YAP1: variants seen among roughly 807,000 people sequenced by gnomAD.
YAP1 encodes Yes1 associated transcriptional regulator, also known as transcriptional coactivator YAP1.
YAP1 carries 5 observed loss-of-function variants against 56.9 expected under a neutral mutation model. The observed-to-expected ratio is 0.09, with a 90% CI of 0.05 to 0.18. YAP1 has a LOEUF of 0.18. YAP1 is among the 10% of genes least tolerant of loss of function. YAP1 has a pLI of 1.00. For missense variants in YAP1, 539 were observed against 651.8 expected (o/e 0.83, Z 1.88); for synonymous variants, 265 against 248.1 (o/e 1.07, Z -0.64).
At chr11:102,147,460 A>G (rs2135326048) in intron 2 of YAP1, among the ~76,000 whole-genome samples, 1 of 152,310 alleles carries the variant, frequency 6.6e-6, no homozygotes, top group South Asian at 2.1e-4. Context: ...ATTAAATTTA[A>G]TTGCTGAAAT....
intron 2 of YAP1, among the ~76,000 whole-genome samples, chr11:102,121,556 CTT>C (rs1943654589): frequency 6.6e-6 from 1 of 152,126 alleles, no homozygotes; most frequent in African/African-American, 2.4e-5. Context: ...TGAATCCTCT[CTT>C]TGGTCAATGC....
At position 102,207,963 on chromosome 11, in the gene YAP1, G is replaced by A. The variant is rs568539207; in HGVS notation, c.985-1554G>A. Among the ~76,000 whole-genome samples the A allele has an allele frequency of 1.2e-4, 18 of 152,330 alleles. No homozygotes were observed. The South Asian group carries it at 3.7e-3, about 32-fold the overall frequency. On this transcript the variant is annotated intron_variant, in intron 5 of 8. Transcript: ENST00000282441. ...GCACAGGATGAGGCTGTTCCTTGAA[G>A]TTCCTTTATCTGCCTAGAAACCAGA...
At position 102,114,223 on chromosome 11, in the gene YAP1, T is replaced by C; in HGVS notation, c.401T>C (p.Leu134Ser). The change falls in exon 2 of 9, where the codon TTG (leucine) becomes TCG (serine). Residue 134 changes from leucine to serine, a missense_variant. Leu to Ser is a moderately radical substitution (Grantham distance 145). This residue lies in a region of YAP1 where 414 missense variants were observed against 512.4 expected (regional missense o/e 0.81). Transcript: ENST00000282441. ...CATTCCTCTCCAGCTTCTCTGCAGT[T>C]GGGAGCTGTTTCTCCTGGGACACTG... ...RAHSSPASLQ[L>S]GAVSPGTLTP... 1.2e-6 allele frequency: 2 copies of C among 1,614,074 alleles called. No individual in the cohort carries two copies. The highest frequency in any genetic ancestry group is 1.7e-6 in the Non-Finnish European group (2 of 1,179,922).
In YAP1 at chr11:102,112,735, A is replaced by G. The variant is rs1943034860; in HGVS notation, c.322-1409A>G. ...TTTAGCTGCTTGCCTAAACACTTCA[A>G]TTTGTCTTAGGTATGCTTTTTTCTC... On this transcript the variant is annotated intron_variant, in intron 1 of 8. Transcript: ENST00000282441. 5 of 985,088 alleles carry G rather than the reference A, an allele frequency of 5.1e-6. No individual in the cohort carries two copies. In the African/African-American group the frequency reaches 5.2e-5, roughly 10 times the overall value. 61.0% of individuals were successfully genotyped at this position (985,088 alleles called of 1,614,324 possible).
chr11:102,193,762 T>C (rs571569160), intron 4 of YAP1, among the ~76,000 whole-genome samples: 1 of 152,348 alleles, frequency 6.6e-6, no homozygotes, highest in African/African-American at 2.4e-5. Flanking sequence ...TAATGCCTTA[T>C]TCGTGTTACT....
chr11:102,183,606 A>C (rs1947759381), intron 3 of YAP1, among the ~76,000 whole-genome samples: 1 of 152,052 alleles, frequency 6.6e-6, no homozygotes, highest in Non-Finnish European at 1.5e-5. Context: ...AATTTACAAA[A>C]TGAAGTGAGT....
intron 2 of YAP1, among the ~76,000 whole-genome samples, chr11:102,118,286 T>C (rs1943418229): frequency 6.6e-6 from 1 of 152,182 alleles, no homozygotes; most frequent in African/African-American, 2.4e-5. Flanking sequence ...GATTCAAGGT[T>C]TTTTGTGGCT....
At chr11:102,214,943 T>G (rs1024086873) in intron 6 of YAP1, among the ~76,000 whole-genome samples, 2 of 152,214 alleles carry the variant, frequency 1.3e-5, no homozygotes, top group Non-Finnish European at 2.9e-5. Context: ...TTTCAGAGTT[T>G]AAGATTATCA....
intron 5 of YAP1, among the ~76,000 whole-genome samples, chr11:102,207,837 G>A (rs1949199551): frequency 6.6e-6 from 1 of 152,204 alleles, no homozygotes; most frequent in Non-Finnish European, 1.5e-5. Context: ...GACAGTATGT[G>A]CCAACATACG....
At chr11:102,161,053 C>CTTTTTT (rs67023819) in intron 2 of YAP1, among the ~76,000 whole-genome samples, 143 of 75,474 alleles carry the variant, frequency 1.9e-3, no homozygotes, top group Middle Eastern at 0.014. Context: ...TAATTTCTTT[C>CTTTTTT]TTTTTTTTTT....
At chr11:102,206,114 G>C in intron 5 of YAP1, 40 bp downstream of exon 5, 1 of 1,574,822 alleles carries the variant, frequency 6.3e-7, no homozygotes, top group Non-Finnish European at 8.6e-7. Flanking sequence ...CACTTTTGGG[G>C]GTTTGTTTTC....
chr11:102,190,309 G>A (rs1010106389), intron 4 of YAP1, among the ~76,000 whole-genome samples: 2 of 152,146 alleles, frequency 1.3e-5, no homozygotes, highest in African/African-American at 4.8e-5. Context: ...GTGTGTTTTA[G>A]ATAAAAAGAG....
intron 2 of YAP1, among the ~76,000 whole-genome samples, chr11:102,141,537 A>G (rs2135291482): frequency 6.6e-6 from 1 of 152,344 alleles, no homozygotes; most frequent in East Asian, 1.9e-4. Context: ...AACTCAGGAA[A>G]AAAAGAGAGA....
In YAP1 at chr11:102,120,789, A is replaced by G. The variant is rs548784433; in HGVS notation, c.572+6395A>G. On this transcript the variant is annotated intron_variant, in intron 2 of 8. Transcript: ENST00000282441. ...GCAGATTTGATTTGGGATTTGGAGT[A>G]AAGATAGTGTGCTTGTTAAAGTGTT... is the stretch of plus-strand genomic sequence containing the variant. Among the ~76,000 whole-genome samples, 9 of 152,372 alleles carry G rather than the reference A, an allele frequency of 5.9e-5. No homozygotes were observed. In the South Asian group the frequency reaches 1.2e-3, roughly 21 times the overall value.
intron 1 of YAP1, among the ~76,000 whole-genome samples, chr11:102,112,128 C>G (rs1356883836): frequency 6.6e-6 from 1 of 152,234 alleles, no homozygotes; most frequent in Non-Finnish European, 1.5e-5. Context: ...GGTTTTAACA[C>G]AAGCCTTTGA....
intron 2 of YAP1, among the ~76,000 whole-genome samples, chr11:102,150,053 C>T (rs1025393238): frequency 1.5e-5 from 2 of 129,442 alleles, no homozygotes; most frequent in East Asian, 2.5e-4. Flanking sequence ...GGCGCTATCT[C>T]GGCTCCTTGC....
At position 102,110,998 on chromosome 11, in the gene YAP1, C is replaced by T. The variant is rs373593052; in HGVS notation, c.150C>T (p.Ala50=). ...ATQAAPQAPP[A]GHQIVHVRGD... ...AGGCGGCGCCGCAGGCACCCCCCGC[C>T]GGGCATCAGATCGTGCACGTCCGCG... Residue 50 remains alanine, a synonymous_variant, in exon 1 of 9, where the codon GCC becomes GCT. Transcript: ENST00000282441. 1.6e-5 allele frequency: 25 copies of T among 1,567,418 alleles called. No homozygotes were observed. Among genetic ancestry groups the T allele is most frequent in the African/African-American group, 2.8e-5 (2 of 70,876 alleles).
intron 1 of YAP1, chr11:102,112,835 A>G (rs1293777399): frequency 5.3e-6 from 5 of 935,364 alleles, no homozygotes; most frequent in South Asian, 9.8e-5. Context: ...ACTGCACGGT[A>G]TGTTTTCAAA....
At chr11:102,186,165 T>C (rs1301793346) in intron 4 of YAP1, 34 bp downstream of exon 4, 1 of 1,601,506 alleles carries the variant, frequency 6.2e-7, no homozygotes, top group Non-Finnish European at 8.5e-7. Flanking sequence ...TTTAGATGCT[T>C]TTGGTTGCTA....
Sources: allele counts gnomAD v4.1 joint callset (sites outside exome capture counted in the v4.1 genomes callset), GRCh38; gene constraint gnomAD v4.1.1; regional missense constraint gnomAD v4.1.1; transcripts MANE v1.5; gene names NCBI Gene and HGNC (gene_info 2026-07-23, HGNC 2026-07-21).